FLT3: variants seen among roughly 807,000 people sequenced by gnomAD.
FLT3 encodes the protein fms related receptor tyrosine kinase 3.
FLT3 carries 46 observed loss-of-function variants against 126.6 expected under a neutral mutation model. The observed-to-expected ratio is 0.36, with a 90% confidence interval of 0.29 to 0.46. The LOEUF is 0.46. FLT3 is among the 20% of genes least tolerant of loss of function. The pLI is 1.00. For missense variants in FLT3, 1,069 were observed against 1,190.3 expected (o/e 0.90, Z 1.50); for synonymous variants, 404 against 434.4 (o/e 0.93, Z 0.87).
In FLT3 at chr13:28,025,090, T is replaced by G. The variant is rs966547029; in HGVS notation, c.2208-147A>C. On this transcript the variant is annotated intron_variant, in intron 17 of 23. Coordinates refer to ENST00000241453, the MANE Select transcript of FLT3 (RefSeq NM_004119.3). ...ACACCATCCATTTGTCCATTTTTTG[T>G]GTACATTAAAAACATCTGTGTAACT... 1.4e-5 allele frequency: 9 copies of G among 622,578 alleles called. No homozygotes were observed. The Admixed American group carries it at 1.9e-4, about 13-fold the overall frequency. The allele number at this position is 622,578 out of a possible 1,614,324, so 38.6% of individuals were successfully genotyped here.
chr13:28,062,012 C>T lies in FLT3; in HGVS notation c.223G>A (p.Val75Met), dbSNP rs773277609. The T allele has an allele frequency of 1.9e-6, 3 of 1,613,192 alleles. No individual in the cohort carries two copies. In the African/African-American group the frequency reaches 4.0e-5, roughly 22 times the overall value. The change falls in exon 3 of 24, where the codon GTG becomes ATG. Residue 75 changes from valine (V) to methionine (M), a missense_variant. Physicochemically the swap from Val to Met is conservative, Grantham distance 21. Transcript: ENST00000241453. ...CALRPQSSGTVYEAAAVEVDV... is the reference protein window; with the variant it reads ...CALRPQSSGTMYEAAAVEVDV... ...ACTTCCACAGCGGCAGCTTCGTACACTGTCCCTGAGCTCTGGGGTCTCAAC... is the reference window on the plus strand; with the variant it reads ...ACTTCCACAGCGGCAGCTTCGTACATTGTCCCTGAGCTCTGGGGTCTCAAC...
chr13:28,070,403 C>A lies in FLT3; in HGVS notation c.165+88G>T, dbSNP rs138837054. On this transcript the variant is annotated intron_variant, in intron 2 of 23. Coordinates refer to ENST00000241453, the MANE Select transcript of FLT3 (RefSeq NM_004119.3). ...ATATACTTAAATACATAAAGAGAAG[C>A]CCATTTAGCCATGGTAGGCTTCAAT... The A allele has an allele frequency of 6.0e-4, 641 of 1,076,170 alleles. 5 individuals are homozygous for A. The African/African-American group carries it at 7.6e-3, about 13-fold the overall frequency. The allele number at this position is 1,076,170 out of a possible 1,614,324, so 66.7% of individuals were successfully genotyped here.
intron 8 of FLT3, 141 bp from the exon 9 acceptor site, chr13:28,048,584 C>T: frequency 1.6e-6 from 1 of 622,848 alleles, no homozygotes; most frequent in Non-Finnish European, 2.8e-6. Flanking sequence ...GTTGGATAAT[C>T]CAAGTGAAAA....
chr13:28,063,062 AT>A (rs1270576627), intron 2 of FLT3, among the ~76,000 whole-genome samples: 2 of 65,146 alleles, frequency 3.1e-5, no homozygotes, highest in African/African-American at 7.7e-5. Context: ...TGGTATATAG[AT>A]AAAAATTTAT....
chr13:28,058,880 C>T (rs1324831547), intron 3 of FLT3, among the ~76,000 whole-genome samples: 6 of 152,188 alleles, frequency 3.9e-5, no homozygotes, highest in Non-Finnish European at 7.3e-5. Context: ...TGAGCCACCA[C>T]GTCTGCAGTC....
At chr13:28,097,754 C>T (rs1417586154) in intron 1 of FLT3, among the ~76,000 whole-genome samples, 2 of 152,110 alleles carry the variant, frequency 1.3e-5, no homozygotes, top group Non-Finnish European at 2.9e-5. Context: ...TGAATCATTC[C>T]CCCTTGGGCT....
chr13:28,100,070 G>A lies in FLT3; in HGVS notation c.43+398C>T, dbSNP rs530320559. Among the ~76,000 whole-genome samples the A allele has an allele frequency of 3.9e-5, 6 of 152,244 alleles. No individual in the cohort carries two copies. The highest frequency in any genetic ancestry group is 1.4e-4 in the African/African-American group (6 of 41,578). On this transcript the variant is annotated intron_variant, in intron 1 of 23. Coordinates refer to ENST00000241453, the MANE Select transcript of FLT3 (RefSeq NM_004119.3). The surrounding 1 kb of genome is among the most constrained non-coding windows in gnomAD (Gnocchi z 4.8). The stretch of plus-strand genomic sequence containing the variant: ...CTACAGTATCCAAGGGCCGGGCCAG[G>A]AGAGGTCCTTGGCCACCTGGCGCCG...
At chr13:28,086,991 A>G (rs1008172092) in intron 1 of FLT3, among the ~76,000 whole-genome samples, 2 of 152,122 alleles carry the variant, frequency 1.3e-5, no homozygotes, top group African/African-American at 4.8e-5. Flanking sequence ...CCAGTCTGGT[A>G]GTGATTGTTT....
At chr13:28,090,830 A>G (rs1048992843) in intron 1 of FLT3, among the ~76,000 whole-genome samples, 1 of 152,162 alleles carries the variant, frequency 6.6e-6, no homozygotes, top group Non-Finnish European at 1.5e-5. Context: ...CACCATCAAT[A>G]TTAAGGTTCT....
intron 17 of FLT3, among the ~76,000 whole-genome samples, chr13:28,025,810 T>C (rs1014334957): frequency 5.3e-5 from 8 of 151,958 alleles, no homozygotes; most frequent in Non-Finnish European, 1.0e-4. Context: ...CGGGCATGCA[T>C]AGGTTAAGGG....
At chr13:28,016,121 T>C (rs4432111) in intron 20 of FLT3, among the ~76,000 whole-genome samples, 129,544 of 152,078 alleles carry the variant, frequency 0.85, 56,558 homozygotes, top group East Asian at 1. Flanking sequence ...GGAGCCCACG[T>C]CATCACTTCC....
intron 9 of FLT3, among the ~76,000 whole-genome samples, chr13:28,040,169 C>T (rs919521982): frequency 3.3e-5 from 5 of 152,290 alleles, no homozygotes; most frequent in Non-Finnish European, 5.9e-5. Flanking sequence ...AATTGGGTTT[C>T]TGTTCTCACA....
chr13:28,089,475 T>A (rs1216380606), intron 1 of FLT3, among the ~76,000 whole-genome samples: 1 of 152,126 alleles, frequency 6.6e-6, no homozygotes, highest in African/African-American at 2.4e-5. Context: ...AGTCGCTGGT[T>A]AATGGATAAA....
At chr13:28,095,339 G>A (rs996877428) in intron 1 of FLT3, among the ~76,000 whole-genome samples, 1 of 152,014 alleles carries the variant, frequency 6.6e-6, no homozygotes, top group African/African-American at 2.4e-5. Flanking sequence ...GCAGTGGCAT[G>A]ATCTCGGCTC....
intron 21 of FLT3, 54 bp downstream of exon 21, chr13:28,015,536 G>T: frequency 2.0e-6 from 2 of 992,150 alleles, no homozygotes; most frequent in South Asian, 1.3e-5. Context: ...GGCACCGAGA[G>T]AGCAGAGGAT....
chr13:28,058,434 C>T (rs1334774897), intron 3 of FLT3, among the ~76,000 whole-genome samples: 1 of 152,012 alleles, frequency 6.6e-6, no homozygotes, highest in African/African-American at 2.4e-5. Context: ...ATTGCTTGAA[C>T]CCGGGAGGCG....
chr13:28,036,021 T>C lies in FLT3; in HGVS notation c.1332A>G (p.Glu444=). 1 of 1,614,116 alleles carries C rather than the reference T, an allele frequency of 6.2e-7. No homozygotes were observed. Reference sequence around the variant, plus strand: ...AACAGGACGCCTGACTTGCCGATGCTTCTGCGAGCACTTGAGGTTTCCCTA... The same window carrying C: ...AACAGGACGCCTGACTTGCCGATGCCTCTGCGAGCACTTGAGGTTTCCCTA... ...NIRRKPQVLA[E]ASASQASCFS... Residue 444 remains glutamate, a synonymous_variant, in exon 11 of 24, where the codon GAA becomes GAG. Transcript: ENST00000241453.
In FLT3 at chr13:28,057,363, A is replaced by T. The variant is rs767347946; in HGVS notation, c.468T>A (p.Phe156Leu). 7.0e-7 allele frequency: 1 copy of T among 1,428,376 alleles called. No individual in the cohort carries two copies. The highest frequency in any genetic ancestry group is 9.9e-7 in the Non-Finnish European group (1 of 1,010,230). 88.5% of individuals were successfully genotyped at this position (1,428,376 alleles called of 1,614,324 possible). A position where few individuals can be genotyped will look rare whatever the true frequency, so the allele number is the denominator to read the frequency against. ...TGGACTTACTTCTTATACTCACTGTAAACAATATTGTGTAATTGGTAGCTT... is the reference window on the plus strand; with the variant it reads ...TGGACTTACTTCTTATACTCACTGTTAACAATATTGTGTAATTGGTAGCTT... Reference protein sequence around the residue: ...QSEATNYTILFTVSIRNTLLY... With the variant: ...QSEATNYTILLTVSIRNTLLY... Residue 156 changes from phenylalanine to leucine, a missense_variant, in exon 4 of 24, where the codon TTT (phenylalanine) becomes TTA (leucine). Transcript: ENST00000241453.
At position 28,049,674 on chromosome 13, in the gene FLT3, G is replaced by A. The variant is rs781339959; in HGVS notation, c.843C>T (p.Phe281=). Residue 281 remains phenylalanine, a synonymous_variant, in exon 7 of 24, where the codon TTC becomes TTT. Coordinates refer to ENST00000241453, the MANE Select transcript of FLT3 (RefSeq NM_004119.3). ...RCKAVHVNHG[F]GLTWELENKA... ...TGTTTTCTAATTCCCAGGTGAGCCC[G>A]AATCCATGGTTCACATGAACAGCTT... The A allele has an allele frequency of 6.2e-6, 10 of 1,613,990 alleles. No homozygotes were observed. Among genetic ancestry groups the A allele is most frequent in the African/African-American group, 5.3e-5 (4 of 74,924 alleles).
Sources: gnomAD v4.1 joint callset for allele counts (sites outside exome capture counted in the v4.1 genomes callset) on GRCh38, gnomAD v4.1.1 for gene constraint, Gnocchi (gnomAD v3.1) non-coding constraint, MANE v1.5 for transcripts, NCBI Gene and HGNC (gene_info 2026-07-23, HGNC 2026-07-21) for gene names.